PHC1: variants seen among roughly 807,000 people sequenced by gnomAD.
PHC1 encodes the protein polyhomeotic homolog 1.
Under a neutral mutation model 104.3 loss-of-function variants are expected in PHC1, and 12 were observed. That is an observed-to-expected ratio of 0.12 (90% confidence interval 0.07 to 0.19). PHC1 has a LOEUF of 0.19. Ranked by LOEUF, PHC1 falls within the 10% of genes least tolerant of loss-of-function variation. The pLI, the probability that PHC1 is intolerant of heterozygous loss-of-function variation, is 1.00. For synonymous variants in PHC1, 302 were observed against 455.8 expected (o/e 0.66, Z 4.30); for missense variants, 671 against 1,200.0 (o/e 0.56, Z 6.51).
At chr12:8,939,126 A>AT (rs1288821165) in intron 14 of PHC1, among the ~76,000 whole-genome samples, 179 bp from the exon 15 acceptor site, 1 of 152,188 alleles carries the variant, frequency 6.6e-6, no homozygotes, top group African/African-American at 2.4e-5. Flanking sequence ...GCACCTGGCC[A>AT]TTTTTTAAAT....
rs767280303 is a variant in PHC1 at position 8,933,981 on chromosome 12, A to G, written c.2010A>G (p.Pro670=). The change falls in exon 9 of 15, where the codon CCA becomes CCG. Residue 670 remains proline, a synonymous_variant. Coordinates refer to ENST00000544916, the MANE Select transcript of PHC1 (RefSeq NM_004426.3). ...AGGCATCTCCAGTAGCAGAAAGCCC[A>G]AAAGTCATGGACGAGAAGAGCAGTC... ...PAKASPVAES[P]KVMDEKSSLG... is the part of the protein sequence containing the mutation. 2 of 1,614,064 alleles carry G rather than the reference A, an allele frequency of 1.2e-6. No homozygotes were observed. Among genetic ancestry groups the G allele is most frequent in the African/African-American group, 1.3e-5 (1 of 75,058 alleles).
intron 8 of PHC1, 84 bp downstream of exon 8, chr12:8,933,434 G>A: frequency 8.5e-6 from 12 of 1,411,854 alleles, no homozygotes; most frequent in Non-Finnish European, 1.1e-5. Flanking sequence ...TAATTGAATA[G>A]GGGAATAAAG....
chr12:8,920,005 A>G, intron 3 of PHC1, 139 bp downstream of exon 3: 2 of 1,319,012 alleles, frequency 1.5e-6, no homozygotes, highest in Non-Finnish European at 2.1e-6. Context: ...CTTCTGTGGG[A>G]GGATGGATGC....
At position 8,919,631 on chromosome 12, in the gene PHC1, C is replaced by T; in HGVS notation, c.115-125C>T. On this transcript the variant is annotated intron_variant, in intron 2 of 14. Transcript: ENST00000544916. The surrounding 1 kb of genome is among the most constrained non-coding windows in gnomAD (Gnocchi z 4.9). ...GGAAAATCAGCCGTTGACGATTTAG[C>T]CCAAACTCCCATCTCCTCTGGTTTC... The T allele has an allele frequency of 4.3e-6, 4 of 939,228 alleles. No homozygotes were observed. The highest frequency in any genetic ancestry group is 4.8e-6 in the Non-Finnish European group (3 of 627,528). The allele number at this position is 939,228 out of a possible 1,614,324, so 58.2% of individuals were successfully genotyped here.
chr12:8,915,472 T>A (rs1945175249), intron 1 of PHC1, among the ~76,000 whole-genome samples: 1 of 152,048 alleles, frequency 6.6e-6, no homozygotes, highest in Non-Finnish European at 1.5e-5. Context: ...ATTGACTTTC[T>A]CCAACTCTCG....
In PHC1 at chr12:8,921,595, A is replaced by G; in HGVS notation, c.307-6A>G. ...CTTAGTCCTGGTTCCTTTCTGTACC[A>G]CACAGATCAATCTGGCCACCACATC... On this transcript the variant is annotated splice_region_variant and splice_polypyrimidine_tract_variant and intron_variant, in intron 4 of 14. Coordinates refer to ENST00000544916, the MANE Select transcript of PHC1 (RefSeq NM_004426.3). The G allele has an allele frequency of 6.2e-7, 1 of 1,613,684 alleles. No individual in the cohort carries two copies. The highest frequency in any genetic ancestry group is 8.5e-7 in the Non-Finnish European group (1 of 1,179,856).
intron 7 of PHC1, among the ~76,000 whole-genome samples, chr12:8,931,927 A>G (rs1945697285): frequency 6.6e-6 from 1 of 152,188 alleles, no homozygotes; most frequent in Non-Finnish European, 1.5e-5. Context: ...TCTCTGGACA[A>G]TCTGGTACAA....
chr12:8,934,026 T>C lies in PHC1; in HGVS notation c.2041+14T>C. The C allele has an allele frequency of 6.2e-7, 1 of 1,613,578 alleles. No individual in the cohort carries two copies. The highest frequency in any genetic ancestry group is 1.1e-5 in the South Asian group (1 of 91,072). On this transcript the variant is annotated intron_variant, in intron 9 of 14. Coordinates refer to ENST00000544916, the MANE Select transcript of PHC1 (RefSeq NM_004426.3). ...GCAGTCTTGGAGGTGAGTAACTGAC[T>C]TCTAATGCTGTTGGAGAGCACACAG... is the stretch of plus-strand genomic sequence containing the variant.
intron 1 of PHC1, 41 bp downstream of exon 1, chr12:8,914,868 G>T: frequency 6.5e-6 from 1 of 154,290 alleles, no homozygotes; most frequent in Middle Eastern, 7.1e-4. Flanking sequence ...CAGGACCTCT[G>T]GGGGCTTGGC....
chr12:8,914,309 G>T (rs1361322190), upstream of PHC1, among the ~76,000 whole-genome samples: 1 of 152,086 alleles, frequency 6.6e-6, no homozygotes, highest in African/African-American at 2.4e-5. Flanking sequence ...GTAAAAAAGA[G>T]GAGAAAGAGA....
At position 8,919,986 on chromosome 12, in the gene PHC1, C is replaced by T. The variant is rs1945314896; in HGVS notation, c.225+120C>T. 5 of 1,438,108 alleles carry T rather than the reference C, an allele frequency of 3.5e-6. No individual in the cohort carries two copies. The highest frequency in any genetic ancestry group is 4.7e-6 in the Non-Finnish European group (5 of 1,056,046). The allele number at this position is 1,438,108 out of a possible 1,614,324, so 89.1% of individuals were successfully genotyped here. On this transcript the variant is annotated intron_variant, in intron 3 of 14. Transcript: ENST00000544916. The surrounding 1 kb of genome is among the most constrained non-coding windows in gnomAD (Gnocchi z 4.9). The stretch of plus-strand genomic sequence containing the variant: ...GCCAGGCTGCAGACAGCCTCCTCCG[C>T]CTCCTGTCCTTCTGTGGGAGGATGG...
At chr12:8,928,202 C>T (rs1329467624) in intron 6 of PHC1, among the ~76,000 whole-genome samples, 4 of 151,980 alleles carry the variant, frequency 2.6e-5, no homozygotes, top group East Asian at 1.9e-4. Flanking sequence ...GCCACTGCAC[C>T]GGCCTATTGT....
At position 8,930,779 on chromosome 12, in the gene PHC1, A is replaced by G. The variant is rs1204142777; in HGVS notation, c.957A>G (p.Gln319=). The change falls in exon 7 of 15, where the codon CAA becomes CAG. Residue 319 remains glutamine, a synonymous_variant. Transcript: ENST00000544916. The stretch of plus-strand genomic sequence containing the variant: ...TGGTGCAGCCCTTGCCTGCAGCCCA[A>G]ACAGTGACTGTGAGCCAGGGCAGCC... ...TGVVQPLPAA[Q]TVTVSQGSQT... 4.1e-6 allele frequency: 6 copies of G among 1,456,434 alleles called. No homozygotes were observed. The Admixed American group carries it at 1.0e-4, about 24-fold the overall frequency. 90.2% of individuals were successfully genotyped at this position (1,456,434 alleles called of 1,614,324 possible).
At position 8,919,566 on chromosome 12, in the gene PHC1, C is replaced by T. The variant is rs11611936; in HGVS notation, c.115-190C>T. ...TATGATCACGCCACTGTGCTCCAGCCTGGTGATAGAGCAGGTTGACTTTGC... is the reference window on the plus strand; with the variant it reads ...TATGATCACGCCACTGTGCTCCAGCTTGGTGATAGAGCAGGTTGACTTTGC... On this transcript the variant is annotated intron_variant, in intron 2 of 14. Transcript: ENST00000544916. This position sits in a 1 kb window ranked among gnomAD's most constrained non-coding sequence, Gnocchi z 4.9. 0.26 allele frequency among the ~76,000 whole-genome samples: 38,946 copies of T among 152,058 alleles called. 5,190 individuals are homozygous for T. The highest frequency in any genetic ancestry group is 0.36 in the South Asian group (1,754 of 4,818).
At chr12:8,921,866 T>C in intron 5 of PHC1, 116 bp downstream of exon 5, 1 of 990,172 alleles carries the variant, frequency 1.0e-6, no homozygotes. Context: ...CAGGCTGGAG[T>C]GCAGTGGCAC....
At chr12:8,920,897 G>A in intron 3 of PHC1, 88 bp from the exon 4 acceptor site, 1 of 860,920 alleles carries the variant, frequency 1.2e-6, no homozygotes, top group Admixed American at 2.4e-5. Context: ...AAATCTCTAT[G>A]TTTTGTGCTT....
chr12:8,938,153 C>T (rs1015552128), intron 14 of PHC1, 93 bp downstream of exon 14: 6 of 816,246 alleles, frequency 7.4e-6, no homozygotes, highest in African/African-American at 1.7e-5. Flanking sequence ...GACTTTTAAG[C>T]AGTAGGAGCT....
In PHC1 at chr12:8,933,330, A is replaced by G. The variant is rs1242882865; in HGVS notation, c.1873A>G (p.Met625Val). Reference sequence around the variant, plus strand: ...AGCCCAGGTCCCTGCTGCCTTCTATATGCAGTCTGTGCACTTGCCGGTGAG... The same window carrying G: ...AGCCCAGGTCCCTGCTGCCTTCTATGTGCAGTCTGTGCACTTGCCGGTGAG... ...VVAQVPAAFY[M>V]QSVHLPGKPQ... The change falls in exon 8 of 15, where the codon ATG (methionine) becomes GTG (valine). Residue 625 changes from methionine to valine, a missense_variant. Around this residue, in one of 9 missense-constraint regions of PHC1, gnomAD observed 95 missense variants for 108.8 expected, o/e 0.87. Transcript: ENST00000544916. 4 of 1,542,670 alleles carry G rather than the reference A, an allele frequency of 2.6e-6. No homozygotes were observed. Among genetic ancestry groups the G allele is most frequent in the Admixed American group, 1.9e-5 (1 of 53,110 alleles).
chr12:8,917,219 A>G (rs1945228678), intron 1 of PHC1, among the ~76,000 whole-genome samples: 1 of 152,232 alleles, frequency 6.6e-6, no homozygotes, highest in South Asian at 2.1e-4. Flanking sequence ...TCTCCAGTAT[A>G]TGGTGACTCA....
Sources: allele counts gnomAD v4.1 joint callset (sites outside exome capture counted in the v4.1 genomes callset), GRCh38; gene constraint gnomAD v4.1.1; regional missense constraint gnomAD v4.1.1; non-coding constraint Gnocchi (gnomAD v3.1); transcripts MANE v1.5; gene names NCBI Gene and HGNC (gene_info 2026-07-23, HGNC 2026-07-21).